The following MBNL2 variants were observed in gnomAD, a reference collection of about 807,000 sequenced individuals.
MBNL2 encodes the protein muscleblind-like protein 2.
Under a neutral mutation model 41.9 loss-of-function variants are expected in MBNL2, and 17 were observed. The ratio of observed to expected loss-of-function variants is 0.41; its 90% CI spans 0.28 to 0.61. The LOEUF (loss-of-function observed/expected upper bound fraction) is 0.61. Ranked by LOEUF, MBNL2 falls within the 20% of genes least tolerant of loss-of-function variation. The pLI is 0.35. For synonymous variants in MBNL2, 195 were observed against 182.9 expected, an observed-to-expected ratio of 1.07 and a Z score of -0.53; for missense variants, 336 against 505.6, an observed-to-expected ratio of 0.66 and a Z score of 3.22.
chr13:97,359,834 ACTG>A (rs2063267995), intron 7 of MBNL2, among the ~76,000 whole-genome samples: 2 of 152,248 alleles, frequency 1.3e-5, no homozygotes. Context: ...TGGTATTTCA[ACTG>A]CTAAGAATTT....
At chr13:97,309,133 TAAC>T (rs1478504000) in intron 2 of MBNL2, among the ~76,000 whole-genome samples, 7 of 151,982 alleles carry the variant, frequency 4.6e-5, no homozygotes, top group Admixed American at 2.6e-4. Flanking sequence ...GGGAGATAAA[TAAC>T]AACAACACAT....
the MBNL2 span, among the ~76,000 whole-genome samples, chr13:97,189,014 G>A: frequency 0.78 from 119,103 of 152,056 alleles, 46,862 homozygotes; most frequent in African/African-American, 0.84. Context: ...CTCCATCTAG[G>A]GAGACTTTGT....
At chr13:97,356,281 G>A (rs754568094) in intron 5 of MBNL2, among the ~76,000 whole-genome samples, 1 of 152,068 alleles carries the variant, frequency 6.6e-6, no homozygotes, top group Non-Finnish European at 1.5e-5. Context: ...ACTTCATTTT[G>A]TTAGGCCAGC....
At chr13:97,379,744 A>G in intron 8 of MBNL2, among the ~76,000 whole-genome samples, 1 of 152,226 alleles carries the variant, frequency 6.6e-6, no homozygotes, top group Admixed American at 6.5e-5. Context: ...TTGGCAGGAA[A>G]GGGGGATGTG....
rs374402320 is a variant in MBNL2 at position 97,357,556 on chromosome 13, C to G, written c.933C>G (p.Val311=). 26 of 1,613,982 alleles carry G rather than the reference C, an allele frequency of 1.6e-5. No homozygotes were observed. Among genetic ancestry groups the G allele is most frequent in the Non-Finnish European group, 2.0e-5 (24 of 1,179,990 alleles). Residue 311 remains valine, a synonymous_variant, in exon 7 of 9, where the codon GTC becomes GTG. Transcript: ENST00000679496. ...AAAAAAGCAATGGTACCAGCGCGGT[C>G]TTTAACCCCAGCGTCTTGCACTACC... ...ALEKSNGTSA[V]FNPSVLHYQQ...
chr13:97,391,679 G>A lies in MBNL2; in HGVS notation c.*230G>A. On this transcript the variant is annotated 3_prime_UTR_variant, in exon 9 of 9. Coordinates refer to ENST00000679496, the MANE Select transcript of MBNL2 (RefSeq NM_001382683.1). ...TCTTATCTCCATAACTATAGCTGATGCAGAAAGTCCAGCCAGTTTACTCAT... is the reference window on the plus strand; with the variant it reads ...TCTTATCTCCATAACTATAGCTGATACAGAAAGTCCAGCCAGTTTACTCAT... 2.5e-6 allele frequency: 1 copy of A among 395,396 alleles called. No homozygotes were observed. The highest frequency in any genetic ancestry group is 4.5e-6 in the Non-Finnish European group (1 of 223,852). The allele number at this position is 395,396 out of a possible 1,614,324, so 24.5% of individuals were successfully genotyped here. A position where few individuals can be genotyped will look rare whatever the true frequency, so the allele number is the denominator to read the frequency against.
chr13:97,207,210 G>C, the MBNL2 span, among the ~76,000 whole-genome samples: 1 of 152,170 alleles, frequency 6.6e-6, no homozygotes, highest in African/African-American at 2.4e-5. Flanking sequence ...GTGAGGTTAG[G>C]GGATAGTCTT....
At chr13:97,373,605 A>AATATATATATATATATATATAT (rs35049420) in intron 8 of MBNL2, among the ~76,000 whole-genome samples, 6 of 145,388 alleles carry the variant, frequency 4.1e-5, no homozygotes, top group African/African-American at 1.3e-4. Context: ...GTATGCTAAA[A>AATATATATATATATATATATAT]ATATATATAT....
the MBNL2 span, among the ~76,000 whole-genome samples, chr13:97,144,523 G>A: frequency 2.0e-5 from 3 of 146,686 alleles, no homozygotes; most frequent in African/African-American, 2.6e-5. Context: ...TCTGCCTCCC[G>A]GGTTCAAGCA....
the MBNL2 span, among the ~76,000 whole-genome samples, chr13:97,197,726 T>C: frequency 6.6e-6 from 1 of 152,228 alleles, no homozygotes; most frequent in Non-Finnish European, 1.5e-5. Context: ...TTTTCAGTAA[T>C]GTAACGTTTC....
In MBNL2 at chr13:97,268,558, T is replaced by C. The variant is rs2050304225; in HGVS notation, c.-604-7074T>C. Among the ~76,000 whole-genome samples, 1 of 152,182 alleles carries C rather than the reference T, an allele frequency of 6.6e-6. No individual in the cohort carries two copies. The highest frequency in any genetic ancestry group is 2.4e-5 in the African/African-American group (1 of 41,438). On this transcript the variant is annotated intron_variant, in intron 1 of 8. Transcript: ENST00000679496. This position sits in a 1 kb window ranked among gnomAD's most constrained non-coding sequence, Gnocchi z 4.6. ...CTCAACCTACCTGGCAGCCGCAGGG[T>C]AAGCCAGTGGCATCTGCTGGAATTT...
chr13:97,247,998 A>G (rs1412152333), intron 1 of MBNL2, among the ~76,000 whole-genome samples: 1 of 152,274 alleles, frequency 6.6e-6, no homozygotes, highest in African/African-American at 2.4e-5. Context: ...ATGCTACATT[A>G]GAAATGATAT....
intron 1 of MBNL2, among the ~76,000 whole-genome samples, chr13:97,229,907 G>A (rs1411407086): frequency 1.3e-5 from 2 of 152,208 alleles, no homozygotes; most frequent in Non-Finnish European, 2.9e-5. Context: ...CAGGTACAAA[G>A]TGGAAAAGGG....
chr13:97,160,105 C>G, the MBNL2 span, among the ~76,000 whole-genome samples: 1 of 152,120 alleles, frequency 6.6e-6, no homozygotes, highest in East Asian at 1.9e-4. Flanking sequence ...TCTTTTTATT[C>G]TTTGAAAAAA....
chr13:97,332,771 A>C (rs1229239374), intron 2 of MBNL2, among the ~76,000 whole-genome samples: 6 of 152,244 alleles, frequency 3.9e-5, no homozygotes, highest in Non-Finnish European at 7.3e-5. Context: ...CTAAGGAGAC[A>C]TGTTGGCATT....
intron 2 of MBNL2, among the ~76,000 whole-genome samples, chr13:97,288,130 C>T (rs945046224): frequency 2.0e-5 from 3 of 151,888 alleles, no homozygotes; most frequent in Non-Finnish European, 2.9e-5. Context: ...GTTCTTTTTC[C>T]ATAATGCCTT....
chr13:97,261,466 C>T (rs569696592), intron 1 of MBNL2, among the ~76,000 whole-genome samples: 1 of 152,312 alleles, frequency 6.6e-6, no homozygotes, highest in Admixed American at 6.5e-5. Flanking sequence ...TTTAAATTGT[C>T]CCATCTCCAA....
chr13:97,308,022 A>T (rs1335108149), intron 2 of MBNL2, among the ~76,000 whole-genome samples: 1 of 152,228 alleles, frequency 6.6e-6, no homozygotes, highest in East Asian at 1.9e-4. Context: ...CTTTGATAAC[A>T]ACCCATTTTG....
chr13:97,271,375 T>C (rs887668895), intron 1 of MBNL2, among the ~76,000 whole-genome samples: 3 of 151,968 alleles, frequency 2.0e-5, no homozygotes, highest in African/African-American at 7.3e-5. Context: ...CCCAAAGTGC[T>C]AGGATGACAG....
Sources: allele counts gnomAD v4.1 joint callset (sites outside exome capture counted in the v4.1 genomes callset), GRCh38; gene constraint gnomAD v4.1.1; non-coding constraint Gnocchi (gnomAD v3.1); transcripts MANE v1.5; gene names NCBI Gene and HGNC (gene_info 2026-07-23, HGNC 2026-07-21).